GPC3: variants seen among roughly 807,000 people sequenced by gnomAD.
GPC3 encodes the protein glypican-3.
GPC3 carries 3 observed loss-of-function variants against 34.4 expected under a neutral mutation model. The ratio of observed to expected loss-of-function variants is 0.09; its 90% CI spans 0.04 to 0.23. The LOEUF is 0.23. Among genes scored for constraint, GPC3 ranks in the 10% least tolerant of loss-of-function variants. The pLI is 1.00. For synonymous variants in GPC3, 177 were observed against 174.0 expected (o/e 1.02, Z -0.13); for missense variants, 351 against 445.6 (o/e 0.79, Z 1.91).
At chrX:133,744,474 G>C (rs181732236) in intron 3 of GPC3, among the ~76,000 whole-genome samples, 1 of 112,323 alleles carries the variant, frequency 8.9e-6, no homozygotes, top group Non-Finnish European at 1.9e-5. Context: ...ACCATCTCAC[G>C]TCAGTTAGAA....
At chrX:133,592,875 T>C (rs955569177) in intron 7 of GPC3, among the ~76,000 whole-genome samples, 10 of 112,074 alleles carry the variant, frequency 8.9e-5, no homozygotes, top group Admixed American at 8.5e-4. Flanking sequence ...AAGAAACTTG[T>C]CCCAGATCAT....
intron 2 of GPC3, among the ~76,000 whole-genome samples, chrX:133,933,804 T>G (rs1403437801): frequency 9.1e-6 from 1 of 109,954 alleles, no homozygotes; most frequent in Non-Finnish European, 1.9e-5. Context: ...CTGATGTCAG[T>G]ACTATGCTTC....
chrX:133,933,031 T>C (rs973709502), intron 2 of GPC3, among the ~76,000 whole-genome samples: 3 of 111,773 alleles, frequency 2.7e-5, no homozygotes, highest in Non-Finnish European at 3.8e-5. Flanking sequence ...ATCTTCTTAT[T>C]CTTATAACTA....
chrX:133,563,555 T>G (rs1254355664), intron 7 of GPC3, among the ~76,000 whole-genome samples: 1 of 112,211 alleles, frequency 8.9e-6, no homozygotes, highest in Non-Finnish European at 1.9e-5. Flanking sequence ...TCTAAAGATA[T>G]TAACTATTTT....
intron 6 of GPC3, among the ~76,000 whole-genome samples, chrX:133,601,904 C>A (rs990189480): frequency 7.2e-5 from 8 of 111,811 alleles, no homozygotes; most frequent in African/African-American, 2.6e-4. Context: ...GTCCAGTAAT[C>A]CCACTACTGG....
chrX:133,953,717 T>G (rs948755961), intron 1 of GPC3, among the ~76,000 whole-genome samples: 1 of 112,038 alleles, frequency 8.9e-6, no homozygotes, highest in Non-Finnish European at 1.9e-5. Context: ...ATCAAAGCTG[T>G]GTTGTTGTTT....
intron 6 of GPC3, among the ~76,000 whole-genome samples, chrX:133,638,154 A>G (rs1379405510): frequency 8.9e-6 from 1 of 112,070 alleles, no homozygotes; most frequent in African/African-American, 3.2e-5. Flanking sequence ...CTCACACTTT[A>G]CAAAAGCAAA....
At chrX:133,584,955 CA>C (rs1016763346) in intron 7 of GPC3, among the ~76,000 whole-genome samples, 1 of 94,148 alleles carries the variant, frequency 1.1e-5, no homozygotes, top group African/African-American at 3.9e-5. Flanking sequence ...AACAAAAAAA[CA>C]AAAAACAGAC....
At position 133,853,530 on chromosome X, in the gene GPC3, G is replaced by A. The variant is rs775458668; in HGVS notation, c.338-99354C>T. 3.6e-5 allele frequency among the ~76,000 whole-genome samples: 4 copies of A among 112,073 alleles called. No homozygotes were observed. In the East Asian group the frequency reaches 1.1e-3, roughly 31 times the overall value. On this transcript the variant is annotated intron_variant, in intron 2 of 7. Coordinates refer to ENST00000370818, the MANE Select transcript of GPC3 (RefSeq NM_004484.4). ...ACTAGAAAGATTTCCAGATGCTCAG[G>A]TTTGAATGCCAAAACATAACAACAC... is the stretch of plus-strand genomic sequence containing the variant.
intron 2 of GPC3, among the ~76,000 whole-genome samples, chrX:133,803,696 A>G (rs1021249983): frequency 1.8e-5 from 2 of 111,818 alleles, no homozygotes; most frequent in African/African-American, 6.5e-5. Flanking sequence ...TCCAAAAGTC[A>G]ACCTCAAATA....
intron 2 of GPC3, among the ~76,000 whole-genome samples, chrX:133,912,923 G>A (rs2076207245): frequency 9.1e-6 from 1 of 110,003 alleles, no homozygotes. Flanking sequence ...GCGTGGTGGT[G>A]CACGCCTGTA....
intron 2 of GPC3, among the ~76,000 whole-genome samples, chrX:133,865,013 G>A (rs1428475574): frequency 1.8e-5 from 2 of 112,066 alleles, no homozygotes; most frequent in African/African-American, 6.5e-5. Flanking sequence ...TTAGACACTC[G>A]TACTTTAAAT....
intron 2 of GPC3, among the ~76,000 whole-genome samples, chrX:133,802,157 A>T (rs1452068427): frequency 3.6e-5 from 4 of 111,794 alleles, no homozygotes; most frequent in African/African-American, 1.3e-4. Context: ...GAAGGTCTGG[A>T]TACAAGCATC....
chrX:133,820,886 G>C (rs182494647), intron 2 of GPC3, among the ~76,000 whole-genome samples: 2 of 111,907 alleles, frequency 1.8e-5, no homozygotes, highest in Admixed American at 1.9e-4. Flanking sequence ...GATAGTACAA[G>C]AGTGTGATTT....
intron 2 of GPC3, among the ~76,000 whole-genome samples, chrX:133,896,968 G>A (rs371867798): frequency 2.9e-5 from 3 of 101,790 alleles, no homozygotes; most frequent in South Asian, 4.8e-4. Context: ...GTGCAGTGGC[G>A]TGATCTCAGC....
chrX:133,603,128 A>T (rs1263896933), intron 6 of GPC3, among the ~76,000 whole-genome samples: 1 of 108,521 alleles, frequency 9.2e-6, no homozygotes, highest in African/African-American at 3.4e-5. Flanking sequence ...TTCGAAAAAA[A>T]TAAAAAGGCA....
intron 2 of GPC3, among the ~76,000 whole-genome samples, chrX:133,816,246 G>C (rs1240364984): frequency 9.0e-6 from 1 of 111,044 alleles, no homozygotes; most frequent in African/African-American, 3.3e-5. Flanking sequence ...ATAAAGACCA[G>C]GTCTCACTTT....
At chrX:133,960,566 A>T (rs778656908) in intron 1 of GPC3, among the ~76,000 whole-genome samples, 1 of 111,887 alleles carries the variant, frequency 8.9e-6, no homozygotes, top group East Asian at 2.8e-4. Flanking sequence ...CAGATAAAGC[A>T]TATTCAAACA....
chrX:133,657,322 A>G (rs2070672772), intron 6 of GPC3, among the ~76,000 whole-genome samples: 1 of 111,869 alleles, frequency 8.9e-6, no homozygotes, highest in Non-Finnish European at 1.9e-5. Flanking sequence ...TAAATGGCCC[A>G]TAGTATTATA....
Sources: allele counts gnomAD v4.1 joint callset (sites outside exome capture counted in the v4.1 genomes callset), GRCh38; gene constraint gnomAD v4.1.1; transcripts MANE v1.5; gene names NCBI Gene and HGNC (gene_info 2026-07-23, HGNC 2026-07-21).